Variants in RYR3 observed in about 807,000 individuals in gnomAD.
RYR3 encodes the protein ryanodine receptor 3.
RYR3 carries 207 observed loss-of-function variants against 584.3 expected under a neutral mutation model. The observed-to-expected ratio is 0.35, with a 90% CI of 0.32 to 0.40. RYR3 has a LOEUF of 0.40. RYR3 is among the 10% of genes least tolerant of loss of function. RYR3 has a pLI of 1.00. For synonymous variants in RYR3, 2,416 were observed against 2,248.5 expected (o/e 1.07, Z -2.11); for missense variants, 5,616 against 6,089.2 (o/e 0.92, Z 2.59).
chr15:33,576,980 A>G (rs980379001), intron 12 of RYR3, among the ~76,000 whole-genome samples: 1 of 152,184 alleles, frequency 6.6e-6, no homozygotes, highest in African/African-American at 2.4e-5. Context: ...ACAGCGAACA[A>G]GTGGAGAGCC....
chr15:33,516,410 C>T (rs116496269), intron 3 of RYR3, among the ~76,000 whole-genome samples: 1 of 151,296 alleles, frequency 6.6e-6, no homozygotes, highest in Non-Finnish European at 1.5e-5. Flanking sequence ...GTGGTGCAGT[C>T]TCTGCTCACT....
chr15:33,816,401 A>T (rs1280774563), intron 74 of RYR3, among the ~76,000 whole-genome samples: 1 of 152,246 alleles, frequency 6.6e-6, no homozygotes, highest in Non-Finnish European at 1.5e-5. Flanking sequence ...TTGGAGAATG[A>T]AAAGAAGCCA....
intron 23 of RYR3, among the ~76,000 whole-genome samples, chr15:33,631,847 T>C (rs186495648): frequency 6.6e-6 from 1 of 152,362 alleles, no homozygotes; most frequent in African/African-American, 2.4e-5. Flanking sequence ...CCAGCAGATA[T>C]GCAGATGGAT....
At chr15:33,407,103 A>T (rs1322432828) in intron 1 of RYR3, among the ~76,000 whole-genome samples, 1 of 152,156 alleles carries the variant, frequency 6.6e-6, no homozygotes, top group African/African-American at 2.4e-5. Flanking sequence ...GGTGGAAGGG[A>T]CAGAAGGTCA....
At chr15:33,863,130 TTCCTATCTCTA>T (rs1889069868) in intron 102 of RYR3, among the ~76,000 whole-genome samples, 2 of 152,110 alleles carry the variant, frequency 1.3e-5, no homozygotes, top group Admixed American at 6.5e-5. Flanking sequence ...ACTGGTCTCT[TTCCTATCTCTA>T]TCCCCTCTAG....
chr15:33,843,535 T>A lies in RYR3; in HGVS notation c.13257T>A (p.Phe4419Leu), dbSNP rs1258759935. Residue 4419 changes from phenylalanine (F) to leucine (L), a missense_variant, in exon 92 of 104, where the codon TTT becomes TTA. Around this residue, in one of 9 missense-constraint regions of RYR3, gnomAD observed 918 missense variants for 887.4 expected, o/e 1.03. Coordinates refer to ENST00000634891, the MANE Select transcript of RYR3 (RefSeq NM_001036.6). ...ACAACCTGAGGTTCCTTGCTCTGTTTGTAGCCTTCGCTATCAACTTCATCC... is the reference window on the plus strand; with the variant it reads ...ACAACCTGAGGTTCCTTGCTCTGTTAGTAGCCTTCGCTATCAACTTCATCC... ...NFYNLRFLAL[F>L]VAFAINFILL... 6.2e-7 allele frequency: 1 copy of A among 1,603,104 alleles called. No homozygotes were observed. Among genetic ancestry groups the A allele is most frequent in the East Asian group, 2.2e-5 (1 of 44,746 alleles).
intron 1 of RYR3, among the ~76,000 whole-genome samples, chr15:33,423,204 T>C (rs916999996): frequency 1.3e-5 from 2 of 152,200 alleles, no homozygotes; most frequent in Non-Finnish European, 2.9e-5. Context: ...ACCTTCTGTG[T>C]CTATGGATTT....
chr15:33,817,663 T>C (rs1298092955), intron 75 of RYR3, among the ~76,000 whole-genome samples: 1 of 152,212 alleles, frequency 6.6e-6, no homozygotes, highest in Non-Finnish European at 1.5e-5. Context: ...CCTCTGTTTC[T>C]TTCCTTCTTT....
intron 6 of RYR3, among the ~76,000 whole-genome samples, chr15:33,539,893 G>A (rs1016356987): frequency 3.9e-5 from 6 of 152,068 alleles, no homozygotes; most frequent in South Asian, 2.1e-4. Flanking sequence ...TCATCTTCAC[G>A]TTGAACAGGA....
chr15:33,826,327 T>G lies in RYR3; in HGVS notation c.11164+58T>G. The G allele has an allele frequency of 2.6e-6, 4 of 1,548,964 alleles. No homozygotes were observed. In the South Asian group the frequency reaches 4.5e-5, roughly 17 times the overall value. On this transcript the variant is annotated intron_variant, in intron 83 of 103. Coordinates refer to ENST00000634891, the MANE Select transcript of RYR3 (RefSeq NM_001036.6). ...GTGTGTGAATCCTAGGAGATCTCAT[T>G]TAATTGCCTCAGCACAGAAACATTT...
intron 20 of RYR3, among the ~76,000 whole-genome samples, chr15:33,625,310 C>T (rs1027834497): frequency 1.3e-5 from 2 of 152,170 alleles, no homozygotes; most frequent in Admixed American, 6.5e-5. Context: ...AATTACAATT[C>T]GAGATGATAT....
rs114700787 is a variant in RYR3 at position 33,594,514 on chromosome 15, G to A, written c.1789-6905G>A. Among the ~76,000 whole-genome samples the A allele has an allele frequency of 7.0e-3, 1,073 of 152,270 alleles. 8 individuals are homozygous for A. The highest frequency in any genetic ancestry group is 0.024 in the African/African-American group (1,010 of 41,568). ...GTATCAGCAACATTTGAAGCAAAAAGTCAAAAAGATTACTTCAGTTTTTTG... is the reference window on the plus strand; with the variant it reads ...GTATCAGCAACATTTGAAGCAAAAAATCAAAAAGATTACTTCAGTTTTTTG... On this transcript the variant is annotated intron_variant, in intron 16 of 103. Transcript: ENST00000634891.
chr15:33,426,321 C>A (rs2044654719), intron 1 of RYR3, among the ~76,000 whole-genome samples: 1 of 152,056 alleles, frequency 6.6e-6, no homozygotes, highest in South Asian at 2.1e-4. Flanking sequence ...ATGTGGGCAT[C>A]CCCTGTGGTC....
At chr15:33,573,200 G>C (rs1157930049) in intron 12 of RYR3, among the ~76,000 whole-genome samples, 2 of 152,032 alleles carry the variant, frequency 1.3e-5, no homozygotes, top group African/African-American at 2.4e-5. Context: ...TAGAAAAAAA[G>C]GACTAATGAA....
At chr15:33,703,766 G>T (rs895345567) in intron 42 of RYR3, among the ~76,000 whole-genome samples, 1 of 152,080 alleles carries the variant, frequency 6.6e-6, no homozygotes, top group Non-Finnish European at 1.5e-5. Flanking sequence ...ATAATATTTT[G>T]AGGCGACAAA....
chr15:33,698,006 A>T lies in RYR3; in HGVS notation c.6249+10A>T. On this transcript the variant is annotated intron_variant, in intron 40 of 103. Transcript: ENST00000634891. ...TACAGAGAAATCTCAGGTAATGCTA[A>T]AAGGAGAACCTAGCCAGAACTTGTC... The T allele has an allele frequency of 1.9e-6, 3 of 1,580,574 alleles. No individual in the cohort carries two copies. Among genetic ancestry groups the T allele is most frequent in the Non-Finnish European group, 2.6e-6 (3 of 1,149,494 alleles).
intron 1 of RYR3, among the ~76,000 whole-genome samples, chr15:33,318,889 G>A (rs1968562297): frequency 6.6e-6 from 1 of 152,206 alleles, no homozygotes; most frequent in East Asian, 1.9e-4. Flanking sequence ...CTCATTATCA[G>A]TTATTGTATT....
At chr15:33,741,813 ACCGTGTTAG>A (rs2070160606) in intron 51 of RYR3, among the ~76,000 whole-genome samples, 1 of 151,954 alleles carries the variant, frequency 6.6e-6, no homozygotes, top group Admixed American at 6.6e-5. Flanking sequence ...ACGGGGTTTC[ACCGTGTTAG>A]CCAGGATGGT....
chr15:33,807,571 T>A lies in RYR3; in HGVS notation c.10026+2T>A. 6.4e-7 allele frequency: 1 copy of A among 1,551,860 alleles called. No individual in the cohort carries two copies. The highest frequency in any genetic ancestry group is 8.7e-7 in the Non-Finnish European group (1 of 1,147,000). On this transcript the variant is annotated splice_donor_variant, in intron 70 of 103. Transcript: ENST00000634891. LOFTEE classifies it high-confidence loss of function. The stretch of plus-strand genomic sequence containing the variant: ...TCCACACAGGCCATGCAAGTAAAGG[T>A]ACAGGTCAAATGCATGACGTGTCTT...
Sources: gnomAD v4.1 joint callset for allele counts (sites outside exome capture counted in the v4.1 genomes callset) on GRCh38, gnomAD v4.1.1 for gene constraint, gnomAD v4.1.1 regional missense constraint, MANE v1.5 for transcripts, NCBI Gene and HGNC (gene_info 2026-07-23, HGNC 2026-07-21) for gene names.